AGTPBP1: variants seen among roughly 807,000 people sequenced by gnomAD.
AGTPBP1 encodes cytosolic carboxypeptidase 1.
AGTPBP1 carries 70 observed loss-of-function variants against 143.9 expected under a neutral mutation model. The ratio of observed to expected loss-of-function variants is 0.49; its 90% CI spans 0.40 to 0.59. AGTPBP1 has a LOEUF of 0.59. Among genes scored for constraint, AGTPBP1 ranks in the 20% least tolerant of loss-of-function variants. The probability of loss-of-function intolerance (pLI) is 0.00; values close to 1 mark genes in which losing one functional copy is unlikely to be tolerated. For missense variants in AGTPBP1, 1,229 were observed against 1,464.5 expected (o/e 0.84, Z 2.62); for synonymous variants, 463 against 500.2 (o/e 0.93, Z 0.99).
At chr9:85,762,795 ATAAAACTTTATATATATG>A in the AGTPBP1 span, among the ~76,000 whole-genome samples, 22 of 146,800 alleles carry the variant, frequency 1.5e-4, no homozygotes, top group East Asian at 5.8e-4. Flanking sequence ...CTTTATATAT[ATAAAACTTTATATATATG>A]TAAAACTTTA....
At chr9:85,548,533 A>G (rs1825851794) in intron 25 of AGTPBP1, among the ~76,000 whole-genome samples, 3 of 152,244 alleles carry the variant, frequency 2.0e-5, no homozygotes, top group Admixed American at 2.0e-4. Context: ...GGATTGTGTG[A>G]GACTTCACAA....
At chr9:85,552,971 A>T (rs1180367603) in intron 25 of AGTPBP1, among the ~76,000 whole-genome samples, 2 of 152,232 alleles carry the variant, frequency 1.3e-5, no homozygotes, top group Non-Finnish European at 2.9e-5. Context: ...GAAATGTCAG[A>T]TTTAGGGTGA....
At chr9:85,630,311 G>A (rs1166034925) in intron 14 of AGTPBP1, among the ~76,000 whole-genome samples, 1 of 152,290 alleles carries the variant, frequency 6.6e-6, no homozygotes, top group East Asian at 1.9e-4. Flanking sequence ...CACTGCAACT[G>A]TTCTCAGGGT....
intron 2 of AGTPBP1, among the ~76,000 whole-genome samples, chr9:85,696,666 C>G (rs956072235): frequency 3.0e-5 from 4 of 131,522 alleles, no homozygotes; most frequent in Non-Finnish European, 6.6e-5. Flanking sequence ...GACTCCGTCT[C>G]AAAAAAAAAA....
intron 14 of AGTPBP1, among the ~76,000 whole-genome samples, chr9:85,626,263 T>G (rs1048140385): frequency 1.3e-5 from 2 of 152,190 alleles, no homozygotes; most frequent in African/African-American, 4.8e-5. Flanking sequence ...TAACCAAGTT[T>G]TATTCATTTT....
intron 2 of AGTPBP1, among the ~76,000 whole-genome samples, chr9:85,693,113 CT>C (rs1835987353): frequency 6.6e-6 from 1 of 152,164 alleles, no homozygotes; most frequent in East Asian, 1.9e-4. Flanking sequence ...CTCTCAAAGA[CT>C]TTTTACACTT....
chr9:85,717,654 C>T (rs1431921009), intron 1 of AGTPBP1, among the ~76,000 whole-genome samples: 1 of 149,582 alleles, frequency 6.7e-6, no homozygotes, highest in Non-Finnish European at 1.5e-5. Context: ...AGGGTGGAGG[C>T]TTCATGAATG....
At position 85,612,336 on chromosome 9, in the gene AGTPBP1, G is replaced by C. The variant is rs769658506; in HGVS notation, c.2335+6647C>G. On this transcript the variant is annotated intron_variant, in intron 17 of 25. Coordinates refer to ENST00000357081, the MANE Select transcript of AGTPBP1 (RefSeq NM_001330701.2). Reference sequence around the variant, plus strand: ...AAACTGAGTTAATAATCATATCGATGTGATGAAGCCTCCATAAAAATCTCC... The same window carrying C: ...AAACTGAGTTAATAATCATATCGATCTGATGAAGCCTCCATAAAAATCTCC... Among the ~76,000 whole-genome samples the C allele has an allele frequency of 3.3e-4, 50 of 152,164 alleles. 1 individual carries two copies. Among genetic ancestry groups the C allele is most frequent in the Non-Finnish European group, 5.9e-5 (4 of 68,016 alleles).
chr9:85,711,926 T>C (rs144893391), intron 2 of AGTPBP1, among the ~76,000 whole-genome samples: 1 of 152,284 alleles, frequency 6.6e-6, no homozygotes, highest in African/African-American at 2.4e-5. Flanking sequence ...AAATTACATA[T>C]AATGTTCATG....
At chr9:85,668,967 A>ATATATGTGTGTG (rs1491203442) in intron 8 of AGTPBP1, among the ~76,000 whole-genome samples, 2 of 114,388 alleles carry the variant, frequency 1.7e-5, no homozygotes, top group African/African-American at 6.3e-5. Flanking sequence ...ACATACATAC[A>ATATATGTGTGTG]TGTGTGTGTG....
intron 2 of AGTPBP1, among the ~76,000 whole-genome samples, chr9:85,708,581 A>T (rs998029541): frequency 1.3e-5 from 2 of 152,246 alleles, no homozygotes; most frequent in African/African-American, 4.8e-5. Flanking sequence ...TCTTTCACCG[A>T]GGCCGGAGTG....
intron 25 of AGTPBP1, among the ~76,000 whole-genome samples, chr9:85,572,004 G>GTGTTT (rs1827509214): frequency 2.3e-5 from 1 of 43,430 alleles, no homozygotes; most frequent in East Asian, 1.1e-3. Flanking sequence ...GTTTGTGTGT[G>GTGTTT]TTTTTTTTTT....
chr9:85,652,417 C>G (rs1380190875), intron 11 of AGTPBP1, among the ~76,000 whole-genome samples: 1 of 152,110 alleles, frequency 6.6e-6, no homozygotes, highest in Non-Finnish European at 1.5e-5. Flanking sequence ...GTGGCTGAGA[C>G]AGGAGAATTG....
At chr9:85,711,101 A>G (rs62570591) in intron 2 of AGTPBP1, among the ~76,000 whole-genome samples, 2,252 of 152,320 alleles carry the variant, frequency 0.015, 25 homozygotes, top group Middle Eastern at 0.037. Context: ...AAAGTTATAT[A>G]CACGTAAACA....
intron 11 of AGTPBP1, among the ~76,000 whole-genome samples, chr9:85,654,701 G>A (rs1450924883): frequency 6.6e-6 from 1 of 151,884 alleles, no homozygotes. Flanking sequence ...AAATTACCCG[G>A]GAATGGTGGC....
intron 13 of AGTPBP1, among the ~76,000 whole-genome samples, chr9:85,641,704 CTT>C (rs533296927): frequency 1.4e-5 from 2 of 145,280 alleles, no homozygotes; most frequent in African/African-American, 2.5e-5. Flanking sequence ...ATAAATGTTT[CTT>C]TTTTTTTTTT....
intron 1 of AGTPBP1, among the ~76,000 whole-genome samples, chr9:85,721,684 T>C (rs1410904118): frequency 1.3e-5 from 2 of 152,126 alleles, no homozygotes. Flanking sequence ...AAGGTTAATA[T>C]TGTTATGTGT....
At position 85,695,089 on chromosome 9, in the gene AGTPBP1, T is replaced by C. The variant is rs11141066; in HGVS notation, c.33-2276A>G. Among the ~76,000 whole-genome samples, 80 of 152,278 alleles carry C rather than the reference T, an allele frequency of 5.3e-4. 1 individual carries two copies. The highest frequency in any genetic ancestry group is 1.5e-3 in the African/African-American group (64 of 41,558). On this transcript the variant is annotated intron_variant, in intron 2 of 25. Transcript: ENST00000357081. ...TCCCTTCTTGGTGCCCAATAACCCA[T>C]TTCCACACAGTAATTTTTTTTAACT...
At chr9:85,652,049 G>T (rs982418795) in intron 11 of AGTPBP1, among the ~76,000 whole-genome samples, 1 of 152,150 alleles carries the variant, frequency 6.6e-6, no homozygotes, top group Non-Finnish European at 1.5e-5. Flanking sequence ...ATAGAGGCTG[G>T]TCACTAGAAA....
Sources: gnomAD v4.1 joint callset for allele counts (sites outside exome capture counted in the v4.1 genomes callset) on GRCh38, gnomAD v4.1.1 for gene constraint, MANE v1.5 for transcripts, NCBI Gene and HGNC (gene_info 2026-07-23, HGNC 2026-07-21) for gene names.